The following UNC13B variants were observed in gnomAD, a reference collection of about 807,000 sequenced individuals.
UNC13B encodes the protein protein unc-13 homolog B.
Under a neutral mutation model 211.0 loss-of-function variants are expected in UNC13B, and 144 were observed. The ratio of observed to expected loss-of-function variants is 0.68; its 90% CI spans 0.60 to 0.78. The LOEUF (loss-of-function observed/expected upper bound fraction) is 0.78. Among genes scored for constraint, UNC13B ranks in the 30% least tolerant of loss-of-function variants. The probability of loss-of-function intolerance (pLI) is 0.00; values close to 1 mark genes in which losing one functional copy is unlikely to be tolerated. For synonymous variants in UNC13B, 709 were observed against 725.8 expected (o/e 0.98, Z 0.37); for missense variants, 1,777 against 2,002.0 (o/e 0.89, Z 2.14).
chr9:35,401,611 C>T (rs1564202413), intron 37 of UNC13B, among the ~76,000 whole-genome samples: 4 of 152,164 alleles, frequency 2.6e-5, no homozygotes, highest in Non-Finnish European at 4.4e-5. Flanking sequence ...CATGTGTATG[C>T]GTGTGCATTT....
At chr9:35,403,126 C>T (rs1290676033) in intron 37 of UNC13B, 41 bp from the exon 38 acceptor site, 3 of 1,599,834 alleles carry the variant, frequency 1.9e-6, no homozygotes, top group Non-Finnish European at 2.6e-6. Context: ...TTACCTCCTA[C>T]AGTTCTCCAA....
chr9:35,198,757 T>C (rs1406198231), intron 1 of UNC13B, among the ~76,000 whole-genome samples: 1 of 152,082 alleles, frequency 6.6e-6, no homozygotes, highest in Non-Finnish European at 1.5e-5. Context: ...AGTTTTCAGA[T>C]GGAGATGAGG....
intron 24 of UNC13B, among the ~76,000 whole-genome samples, chr9:35,388,773 G>A (rs1326397015): frequency 6.6e-6 from 1 of 152,210 alleles, no homozygotes; most frequent in African/African-American, 2.4e-5. Context: ...GTAAACTAAG[G>A]AATTTAAACT....
chr9:35,200,733 G>T (rs1823234098), intron 1 of UNC13B, among the ~76,000 whole-genome samples: 1 of 152,148 alleles, frequency 6.6e-6, no homozygotes, highest in Middle Eastern at 3.2e-3. Flanking sequence ...AGGAGATTTT[G>T]GGCTGAGATG....
intron 14 of UNC13B, 105 bp downstream of exon 14, chr9:35,375,306 G>A: frequency 1.7e-6 from 2 of 1,210,974 alleles, no homozygotes; most frequent in Non-Finnish European, 1.2e-6. Context: ...CAAGAGTGCT[G>A]GACACACATT....
chr9:35,311,869 A>G (rs1830197208), intron 10 of UNC13B, among the ~76,000 whole-genome samples: 3 of 152,174 alleles, frequency 2.0e-5, no homozygotes, highest in African/African-American at 4.8e-5. Flanking sequence ...TTAACATCTC[A>G]TAATGAAGCT....
Position 35,301,085 on chromosome 9 carries a change from T to C in UNC13B, c.1681T>C (p.Leu561=). 1 of 398,910 alleles carries C rather than the reference T, an allele frequency of 2.5e-6. No homozygotes were observed. Among genetic ancestry groups the C allele is most frequent in the African/African-American group, 2.1e-5 (1 of 48,740 alleles). The allele number at this position is 398,910 out of a possible 1,614,324, so 24.7% of individuals were successfully genotyped here. ...GCATCTAACAAACTCTGTGGAAAAG[T>C]TGGTTTCCTTAGTTCCAGAAAAAAC... ...TKHLTNSVEK[L]VSLVPEKTET... The change falls in exon 9 of 40, where the codon TTG becomes CTG. Residue 561 remains leucine, a synonymous_variant. Coordinates refer to ENST00000635942, the MANE Select transcript of UNC13B (RefSeq NM_001371189.2).
intron 1 of UNC13B, among the ~76,000 whole-genome samples, chr9:35,177,769 G>C (rs1821718808): frequency 6.6e-6 from 1 of 152,148 alleles, no homozygotes; most frequent in Non-Finnish European, 1.5e-5. Flanking sequence ...GAAATTGAGG[G>C]CAAAGAAAGG....
At position 35,305,725 on chromosome 9, in the gene UNC13B, T is replaced by C; in HGVS notation, c.6321T>C (p.Gly2107=). 2 of 398,990 alleles carry C rather than the reference T, an allele frequency of 5.0e-6. No individual in the cohort carries two copies. Among genetic ancestry groups the C allele is most frequent in the Non-Finnish European group, 8.8e-6 (2 of 226,028 alleles). The allele number at this position is 398,990 out of a possible 1,614,324, so 24.7% of individuals were successfully genotyped here. The change falls in exon 9 of 40, where the codon GGT becomes GGC. Residue 2107 remains glycine (G), a synonymous_variant. Transcript: ENST00000635942. ...GGGAGTCTTCAGTAGAAACTAGTGG[T>C]GTGACTACAGTGACAGAAGTTTCAA... The part of the protein sequence containing the change: ...SSRESSVETS[G]VTTVTEVSKS...
intron 1 of UNC13B, among the ~76,000 whole-genome samples, chr9:35,185,769 A>G (rs1822323862): frequency 6.6e-6 from 1 of 151,688 alleles, no homozygotes; most frequent in Non-Finnish European, 1.5e-5. Flanking sequence ...AAAATACAAA[A>G]AAAAAAAAAA....
intron 22 of UNC13B, chr9:35,384,781 A>G (rs1261042535): frequency 1.0e-6 from 1 of 957,730 alleles, no homozygotes; most frequent in Non-Finnish European, 1.2e-6. Flanking sequence ...CATTCCTAGT[A>G]TAAAGGGAGG....
chr9:35,251,800 G>A (rs1326605656), intron 6 of UNC13B, among the ~76,000 whole-genome samples: 1 of 151,936 alleles, frequency 6.6e-6, no homozygotes, highest in Non-Finnish European at 1.5e-5. Context: ...CATTTCAAGA[G>A]CCAGATAAGA....
intron 7 of UNC13B, among the ~76,000 whole-genome samples, chr9:35,272,212 G>T (rs796317201): frequency 3.7e-4 from 51 of 137,328 alleles, no homozygotes; most frequent in South Asian, 8.9e-4. Flanking sequence ...TAATTTTTTT[G>T]TTTTTTTTTT....
intron 1 of UNC13B, among the ~76,000 whole-genome samples, chr9:35,206,899 C>G (rs947813628): frequency 2.0e-5 from 3 of 149,312 alleles, no homozygotes; most frequent in African/African-American, 7.4e-5. Flanking sequence ...AACACACACA[C>G]AAAAACTCTA....
At chr9:35,293,843 G>A (rs1416517778) in intron 7 of UNC13B, among the ~76,000 whole-genome samples, 2 of 152,120 alleles carry the variant, frequency 1.3e-5, no homozygotes, top group Admixed American at 6.5e-5. Flanking sequence ...ACTAATACTT[G>A]TTCCTGACCA....
rs1300268843 is a variant in UNC13B at position 35,303,364 on chromosome 9, A to G, written c.3960A>G (p.Lys1320=). ...RQMPNHVLEA[K]LHENSNKLNS... is the part of the protein sequence containing the mutation. ...TGCCAAACCATGTTCTTGAGGCAAA[A>G]CTACATGAAAATTCAAACAAGTTAA... Residue 1320 remains lysine, a synonymous_variant, in exon 9 of 40, where the codon AAA becomes AAG. Transcript: ENST00000635942. 1 of 398,556 alleles carries G rather than the reference A, an allele frequency of 2.5e-6. No individual in the cohort carries two copies. Among genetic ancestry groups the G allele is most frequent in the Non-Finnish European group, 4.4e-6 (1 of 225,798 alleles). The allele number at this position is 398,556 out of a possible 1,614,324, so 24.7% of individuals were successfully genotyped here.
At chr9:35,331,989 C>G (rs1831396479) in intron 11 of UNC13B, among the ~76,000 whole-genome samples, 2 of 151,716 alleles carry the variant, frequency 1.3e-5, no homozygotes, top group South Asian at 4.2e-4. Flanking sequence ...TTCCAACTAG[C>G]CTTTTTTTTT....
chr9:35,191,757 G>C (rs1400376748), intron 1 of UNC13B, among the ~76,000 whole-genome samples: 7 of 152,180 alleles, frequency 4.6e-5, no homozygotes, highest in Admixed American at 3.9e-4. Flanking sequence ...ATTGCCACGT[G>C]GTTACACGTC....
intron 11 of UNC13B, among the ~76,000 whole-genome samples, chr9:35,332,683 T>C (rs1831440968): frequency 6.6e-6 from 1 of 152,220 alleles, no homozygotes; most frequent in South Asian, 2.1e-4. Flanking sequence ...GATTTATCTT[T>C]CTGAAATAGA....
Sources: gnomAD v4.1 joint callset for allele counts (sites outside exome capture counted in the v4.1 genomes callset) on GRCh38, gnomAD v4.1.1 for gene constraint, MANE v1.5 for transcripts, NCBI Gene and HGNC (gene_info 2026-07-23, HGNC 2026-07-21) for gene names.